The following TFRC variants were observed in gnomAD, a reference collection of about 807,000 sequenced individuals.
TFRC encodes the protein transferrin receptor protein 1.
TFRC carries 35 observed loss-of-function variants against 85.8 expected under a neutral mutation model. The ratio of observed to expected loss-of-function variants is 0.41; its 90% CI spans 0.31 to 0.54. TFRC has a LOEUF of 0.54. Among genes scored for constraint, TFRC ranks in the 20% least tolerant of loss-of-function variants. The pLI is 0.31. For missense variants in TFRC, 828 were observed against 921.5 expected (o/e 0.90, Z 1.31); for synonymous variants, 362 against 328.6 (o/e 1.10, Z -1.10).
At chr3:196,062,984 C>T (rs1415140033) in intron 11 of TFRC, 45 bp from the exon 12 acceptor site, 1 of 1,521,274 alleles carries the variant, frequency 6.6e-7, no homozygotes, top group Admixed American at 1.7e-5. Context: ...AGGTTATACA[C>T]AGACAAGGAT....
At chr3:196,058,539 T>A in intron 15 of TFRC, 35 bp downstream of exon 15, 1 of 1,594,488 alleles carries the variant, frequency 6.3e-7, no homozygotes, top group Non-Finnish European at 8.6e-7. Flanking sequence ...TCTCTGCTTT[T>A]CTATTAGTTT....
rs535029184 is a variant in TFRC at position 196,058,065 on chromosome 3, C to G, written c.1677+219G>C. The G allele has an allele frequency of 5.2e-4, 201 of 388,976 alleles. 3 individuals carry two copies. In the Middle Eastern group the frequency reaches 6.8e-3, roughly 13 times the overall value. 24.1% of individuals were successfully genotyped at this position (388,976 alleles called of 1,614,324 possible). A position where few individuals can be genotyped will look rare whatever the true frequency, so the allele number is the denominator to read the frequency against. The stretch of plus-strand genomic sequence containing the variant: ...CTGCCTGTCAACCTTGGACTGGTGT[C>G]ATCCTTGTTATTGATCTTGGTAGCC... On this transcript the variant is annotated intron_variant, in intron 16 of 18. Coordinates refer to ENST00000360110, the MANE Select transcript of TFRC (RefSeq NM_001128148.3).
intron 1 of TFRC, 112 bp downstream of exon 1, chr3:196,081,931 C>G (rs1433464352): frequency 6.6e-6 from 1 of 152,472 alleles, no homozygotes; most frequent in African/African-American, 2.4e-5. Flanking sequence ...TTTCCCGCTC[C>G]CCGTGCGGCT....
In TFRC at chr3:196,050,538, G is replaced by C. The variant is rs771889521; in HGVS notation, c.*1404C>G. Reference sequence around the variant, plus strand: ...TATGGAGATCACTGTCTCCGATACAGACACTGTGGTAGGTAAAAACTACCT... The same window carrying C: ...TATGGAGATCACTGTCTCCGATACACACACTGTGGTAGGTAAAAACTACCT... On this transcript the variant is annotated 3_prime_UTR_variant, in exon 19 of 19. Transcript: ENST00000360110. 4.9e-6 allele frequency: 1 copy of C among 204,356 alleles called. No homozygotes were observed. The highest frequency in any genetic ancestry group is 1.0e-5 in the Non-Finnish European group (1 of 99,570). The allele number at this position is 204,356 out of a possible 1,614,324, so 12.7% of individuals were successfully genotyped here. A position where few individuals can be genotyped will look rare whatever the true frequency, so the allele number is the denominator to read the frequency against.
At chr3:196,069,421 T>A in intron 7 of TFRC, 34 bp downstream of exon 7, 3 of 1,246,686 alleles carry the variant, frequency 2.4e-6, no homozygotes, top group Non-Finnish European at 3.4e-6. Context: ...ATACCAAAAG[T>A]ACTGTATTTA....
intron 3 of TFRC, chr3:196,074,327 C>G (rs1577250781): frequency 2.3e-6 from 1 of 426,804 alleles, no homozygotes; most frequent in South Asian, 5.7e-5. Context: ...AAATAGCTAC[C>G]TATTCAAAAC....
intron 6 of TFRC, among the ~76,000 whole-genome samples, chr3:196,070,125 C>T (rs1373399285): frequency 2.0e-5 from 3 of 152,172 alleles, no homozygotes; most frequent in African/African-American, 7.2e-5. Context: ...ACAGAACAAC[C>T]TACCCATCTC....
chr3:196,060,133 T>C (rs1385697347), intron 14 of TFRC, 47 bp downstream of exon 14: 1 of 1,494,684 alleles, frequency 6.7e-7, no homozygotes, highest in Non-Finnish European at 9.2e-7. Flanking sequence ...TCAGGTTGAT[T>C]CAACAAAAAT....
intron 13 of TFRC, among the ~76,000 whole-genome samples, chr3:196,062,070 G>C (rs936307733): frequency 6.6e-6 from 1 of 152,096 alleles, no homozygotes; most frequent in Admixed American, 6.6e-5. Flanking sequence ...CACCAGCCTG[G>C]GCAACATGGC....
At chr3:196,069,717 T>TA in intron 6 of TFRC, 149 bp from the exon 7 acceptor site, 1 of 539,686 alleles carries the variant, frequency 1.9e-6, no homozygotes. Context: ...ACATGAGTTC[T>TA]AAAAAACTTT....
chr3:196,059,002 TAA>T (rs902468106), intron 14 of TFRC: 5 of 139,400 alleles, frequency 3.6e-5, no homozygotes, highest in Non-Finnish European at 6.2e-5. Flanking sequence ...CTTTATCTCT[TAA>T]AAAAAAAAAA....
At chr3:196,059,914 G>C (rs1319310171) in intron 14 of TFRC, among the ~76,000 whole-genome samples, 1 of 152,116 alleles carries the variant, frequency 6.6e-6, no homozygotes, top group East Asian at 1.9e-4. Flanking sequence ...TGACTCTATA[G>C]ACAATCCCCT....
At position 196,051,704 on chromosome 3, in the gene TFRC, T is replaced by C. The variant is rs1296257659; in HGVS notation, c.*238A>G. On this transcript the variant is annotated 3_prime_UTR_variant, in exon 19 of 19. Coordinates refer to ENST00000360110, the MANE Select transcript of TFRC (RefSeq NM_001128148.3). ...TCCCATTACAAAGCACTTAAAATTC[T>C]AGAGATAGGGGAATATTCCATCATG... 1 of 493,894 alleles carries C rather than the reference T, an allele frequency of 2.0e-6. No homozygotes were observed. The highest frequency in any genetic ancestry group is 3.6e-6 in the Non-Finnish European group (1 of 279,438). 30.6% of individuals were successfully genotyped at this position (493,894 alleles called of 1,614,324 possible). A position where few individuals can be genotyped will look rare whatever the true frequency, so the allele number is the denominator to read the frequency against.
intron 11 of TFRC, 61 bp downstream of exon 11, chr3:196,064,248 A>G: frequency 5.9e-6 from 9 of 1,515,714 alleles, no homozygotes; most frequent in Non-Finnish European, 7.1e-6. Context: ...AAAGCACAGT[A>G]TAACATCTAG....
At chr3:196,075,699 G>A (rs2108657720) in intron 2 of TFRC, among the ~76,000 whole-genome samples, 1 of 152,190 alleles carries the variant, frequency 6.6e-6, no homozygotes, top group East Asian at 1.9e-4. Context: ...GAGTAGCTGG[G>A]ACTAGGGGCA....
intron 5 of TFRC, 53 bp from the exon 6 acceptor site, chr3:196,071,551 C>A (rs979888857): frequency 2.0e-6 from 3 of 1,499,890 alleles, no homozygotes; most frequent in Non-Finnish European, 1.9e-6. Flanking sequence ...CCAAAAAACA[C>A]AATAGCTTAC....
chr3:196,074,603 C>T (rs1396335795), intron 3 of TFRC, among the ~76,000 whole-genome samples: 1 of 152,060 alleles, frequency 6.6e-6, no homozygotes, highest in Non-Finnish European at 1.5e-5. Context: ...ATAAAGTGGA[C>T]GGGAAAGTGG....
intron 18 of TFRC, 120 bp downstream of exon 18, chr3:196,053,298 T>C: frequency 1.8e-6 from 2 of 1,118,490 alleles, no homozygotes; most frequent in Admixed American, 2.1e-5. Flanking sequence ...AGCTAAACCA[T>C]TAATGCTCCC....
At chr3:196,068,861 G>A (rs529202137) in intron 7 of TFRC, among the ~76,000 whole-genome samples, 37 of 150,618 alleles carry the variant, frequency 2.5e-4, no homozygotes, top group Admixed American at 8.6e-4. Context: ...AACCTGGGAG[G>A]CGGAGGTTGC....
Sources: gnomAD v4.1 joint callset for allele counts (sites outside exome capture counted in the v4.1 genomes callset) on GRCh38, gnomAD v4.1.1 for gene constraint, MANE v1.5 for transcripts, NCBI Gene and HGNC (gene_info 2026-07-23, HGNC 2026-07-21) for gene names.